The following NINJ2 variants were observed in gnomAD, a reference collection of about 807,000 sequenced individuals.
The protein encoded by NINJ2 is ninjurin-2.
NINJ2 carries 12 observed loss-of-function variants against 11.7 expected under a neutral mutation model. The observed-to-expected ratio is 1.02, with a 90% CI of 0.66 to 1.66. The LOEUF (loss-of-function observed/expected upper bound fraction) is 1.66, where lower values mean the gene tolerates loss of function less well. NINJ2 is among the 40% of genes most tolerant of loss of function. The probability of loss-of-function intolerance (pLI) is 0.00; values close to 1 mark genes in which losing one functional copy is unlikely to be tolerated. For synonymous variants in NINJ2, 93 were observed against 76.8 expected (o/e 1.21, Z -1.10); for missense variants, 187 against 181.8 (o/e 1.03, Z -0.16).
chr12:612,289 C>G (rs1392556415), intron 1 of NINJ2, among the ~76,000 whole-genome samples: 1 of 152,176 alleles, frequency 6.6e-6, no homozygotes, highest in East Asian at 1.9e-4. Context: ...GTGAAACCTG[C>G]ATCCTAACAC....
chr12:565,601 C>A (rs1947285371), intron 2 of NINJ2, 200 bp from the exon 3 acceptor site: 1 of 625,272 alleles, frequency 1.6e-6, no homozygotes. Flanking sequence ...GTGCTTCATC[C>A]CACCAGGATT....
At chr12:641,671 C>T (rs924302595) in intron 1 of NINJ2, among the ~76,000 whole-genome samples, 1 of 143,376 alleles carries the variant, frequency 7.0e-6, no homozygotes, top group Non-Finnish European at 1.6e-5. Flanking sequence ...GGTGAAACCC[C>T]GTCTCTACTA....
chr12:633,069 T>C lies in NINJ2; in HGVS notation c.33+30259A>G, dbSNP rs1948302438. 6.6e-6 allele frequency among the ~76,000 whole-genome samples: 1 copy of C among 152,180 alleles called. No individual in the cohort carries two copies. The highest frequency in any genetic ancestry group is 2.1e-4 in the South Asian group (1 of 4,830). On this transcript the variant is annotated intron_variant, in intron 1 of 3. Coordinates refer to ENST00000305108, the MANE Select transcript of NINJ2 (RefSeq NM_016533.6). The surrounding 1 kb of genome is among the most constrained non-coding windows in gnomAD (Gnocchi z 4.3). Reference sequence around the variant, plus strand: ...TCGTGAAATATACCTCAGCCTGGCATTGGGCTTGGGGCAAAGATCTAGGAC... The same window carrying C: ...TCGTGAAATATACCTCAGCCTGGCACTGGGCTTGGGGCAAAGATCTAGGAC...
intron 1 of NINJ2, among the ~76,000 whole-genome samples, chr12:578,950 C>T (rs1487290938): frequency 6.6e-6 from 1 of 152,178 alleles, no homozygotes; most frequent in Non-Finnish European, 1.5e-5. Context: ...CACTGAGAGC[C>T]TCTCGTTTTT....
At chr12:651,742 A>G (rs1438856928) in intron 1 of NINJ2, among the ~76,000 whole-genome samples, 28 of 152,214 alleles carry the variant, frequency 1.8e-4, no homozygotes, top group Admixed American at 1.8e-3. Context: ...GTAAGTGGAG[A>G]GACGGACACC....
intron 1 of NINJ2, among the ~76,000 whole-genome samples, chr12:604,271 G>A (rs546270086): frequency 3.3e-5 from 5 of 152,246 alleles, no homozygotes; most frequent in African/African-American, 9.6e-5. Context: ...TATAAGCTGC[G>A]AGGACAAAAT....
intron 1 of NINJ2, among the ~76,000 whole-genome samples, chr12:646,674 A>G (rs1937688832): frequency 6.6e-6 from 1 of 152,176 alleles, no homozygotes; most frequent in South Asian, 2.1e-4. Context: ...TTTCTAGGAA[A>G]CTGCAGCTGA....
intron 1 of NINJ2, among the ~76,000 whole-genome samples, chr12:597,572 T>C (rs185388714): frequency 6.6e-6 from 1 of 152,224 alleles, no homozygotes; most frequent in Non-Finnish European, 1.5e-5. Context: ...ATATTATTCA[T>C]GTTACATAAA....
intron 1 of NINJ2, among the ~76,000 whole-genome samples, chr12:636,414 T>C (rs1237401432): frequency 1.3e-5 from 1 of 74,432 alleles, no homozygotes; most frequent in Non-Finnish European, 3.2e-5. Flanking sequence ...TAAATAAAAA[T>C]TAAAAAATAA....
chr12:566,055 C>T lies in NINJ2; in HGVS notation c.157G>A (p.Val53Met), dbSNP rs367684274. 1.1e-5 allele frequency: 17 copies of T among 1,614,068 alleles called. No homozygotes were observed. In the Admixed American group the frequency reaches 1.2e-4, roughly 11 times the overall value. ...TGAGAGGATGGTCCCTGCTCCAGCA[C>T]CGCCTTCAGCCGCATGGCGTTGGAC... ...FMSNAMRLKAVLEQGPSSHYY... is the reference protein window; with the variant it reads ...FMSNAMRLKAMLEQGPSSHYY... The change falls in exon 2 of 4, where the codon GTG becomes ATG. Residue 53 changes from valine (V) to methionine (M), a missense_variant. Val to Met is a conservative substitution (Grantham distance 21). Transcript: ENST00000305108.
At chr12:635,802 C>T (rs548021270) in intron 1 of NINJ2, among the ~76,000 whole-genome samples, 26 of 152,354 alleles carry the variant, frequency 1.7e-4, no homozygotes, top group Non-Finnish European at 3.5e-4. Context: ...GGGCCGGGCG[C>T]GGCGGTTCAC....
At chr12:625,314 G>A (rs78825267) in intron 1 of NINJ2, among the ~76,000 whole-genome samples, 7,156 of 152,072 alleles carry the variant, frequency 0.047, 250 homozygotes, top group Non-Finnish European at 0.074. Flanking sequence ...CTAGCAAATA[G>A]TTCTATTTGG....
At chr12:601,269 G>A (rs1249222384) in intron 1 of NINJ2, among the ~76,000 whole-genome samples, 3 of 152,110 alleles carry the variant, frequency 2.0e-5, no homozygotes, top group Admixed American at 6.5e-5. Flanking sequence ...AAAACAGGCC[G>A]GGCGCAGTGG....
rs1947624351 is a variant in NINJ2 at position 585,537 on chromosome 12, AGGGAAGGGAAGGGAACG to A, written c.34-19376_34-19360del. Among the ~76,000 whole-genome samples the A allele has an allele frequency of 1.4e-5, 1 of 70,488 alleles. No homozygotes were observed. The highest frequency in any genetic ancestry group is 3.0e-5 in the Non-Finnish European group (1 of 33,422). 46.2% of individuals were successfully genotyped at this position (70,488 alleles called of 152,430 possible). A position where few individuals can be genotyped will look rare whatever the true frequency, so the allele number is the denominator to read the frequency against. ...GGAGGGAAGGGAAGGGAACGGTTGG[AGGGAAGGGAAGGGAACG>A]GTTGGAGGGAAGGGAGGCTGAGCAC... On this transcript the variant is annotated intron_variant, in intron 1 of 3. Transcript: ENST00000305108. This position sits in a 1 kb window ranked among gnomAD's most constrained non-coding sequence, Gnocchi z 4.1.
At chr12:583,731 T>G (rs995246587) in intron 1 of NINJ2, among the ~76,000 whole-genome samples, 1 of 152,168 alleles carries the variant, frequency 6.6e-6, no homozygotes, top group Non-Finnish European at 1.5e-5. Context: ...GGTCAACCCC[T>G]GCAAAGCCTC....
At chr12:654,253 G>A (rs746721323) in intron 1 of NINJ2, among the ~76,000 whole-genome samples, 3 of 152,088 alleles carry the variant, frequency 2.0e-5, no homozygotes, top group East Asian at 1.9e-4. Context: ...GGTCAGGCAC[G>A]GTGGCTCACG....
At chr12:655,639 G>A (rs897228259) in intron 1 of NINJ2, among the ~76,000 whole-genome samples, 3 of 152,166 alleles carry the variant, frequency 2.0e-5, no homozygotes, top group South Asian at 2.1e-4. Flanking sequence ...GGGGACAAGC[G>A]CGGTGGCTCA....
intron 1 of NINJ2, among the ~76,000 whole-genome samples, chr12:601,351 C>G (rs990675244): frequency 6.9e-6 from 1 of 145,790 alleles, no homozygotes; most frequent in African/African-American, 2.6e-5. Context: ...TCGAGACCAT[C>G]CTGGCTAACA....
At chr12:650,981 A>G (rs929569190) in intron 1 of NINJ2, among the ~76,000 whole-genome samples, 2 of 152,320 alleles carry the variant, frequency 1.3e-5, no homozygotes, top group South Asian at 2.1e-4. Flanking sequence ...CACAAGGGCA[A>G]TTCTCCTCGG....
Sources: gnomAD v4.1 joint callset for allele counts (sites outside exome capture counted in the v4.1 genomes callset) on GRCh38, gnomAD v4.1.1 for gene constraint, Gnocchi (gnomAD v3.1) non-coding constraint, MANE v1.5 for transcripts, NCBI Gene and HGNC (gene_info 2026-07-23, HGNC 2026-07-21) for gene names.